EYS: variants seen among roughly 807,000 people sequenced by gnomAD.
EYS encodes EGF-like photoreceptor maintenance factor.
Under a neutral mutation model 282.1 loss-of-function variants are expected in EYS, and 250 were observed. The observed-to-expected ratio is 0.89, with a 90% CI of 0.80 to 0.98. The LOEUF (loss-of-function observed/expected upper bound fraction) is 0.98. Among genes scored for constraint, EYS ranks in the 50% least tolerant of loss-of-function variants. The probability of loss-of-function intolerance (pLI) is 0.00; values close to 1 mark genes in which losing one functional copy is unlikely to be tolerated. For missense variants in EYS, 4,016 were observed against 3,709.0 expected (o/e 1.08, Z -2.15); for synonymous variants, 1,355 against 1,282.9 (o/e 1.06, Z -1.20).
In EYS at chr6:64,002,174, G is replaced by A. The variant is rs373793785; in HGVS notation, c.6726-2991C>T. ...ATGTCTGGATGCCAAGGGGAGTTTGGCTGGGGGCTGTCAGAGAAGAGTCCA... is the reference window on the plus strand; with the variant it reads ...ATGTCTGGATGCCAAGGGGAGTTTGACTGGGGGCTGTCAGAGAAGAGTCCA... On this transcript the variant is annotated intron_variant, in intron 33 of 42. Coordinates refer to ENST00000503581, the MANE Select transcript of EYS (RefSeq NM_001142800.2). Among the ~76,000 whole-genome samples the A allele has an allele frequency of 9.2e-5, 14 of 152,304 alleles. No homozygotes were observed. In the East Asian group the frequency reaches 1.2e-3, roughly 13 times the overall value.
chr6:64,066,928 ATTTC>A (rs1771392569), intron 32 of EYS, among the ~76,000 whole-genome samples: 1 of 151,976 alleles, frequency 6.6e-6, no homozygotes, highest in Admixed American at 6.6e-5. Context: ...TTGATTTCTA[ATTTC>A]TTATGTTTAT....
chr6:64,063,181 C>T (rs1328473162), intron 33 of EYS, among the ~76,000 whole-genome samples: 1 of 152,136 alleles, frequency 6.6e-6, no homozygotes, highest in Non-Finnish European at 1.5e-5. Context: ...CCCATGGTTT[C>T]AATTATCGTC....
intron 12 of EYS, among the ~76,000 whole-genome samples, chr6:65,238,670 T>TG (rs989524831): frequency 2.0e-5 from 3 of 152,070 alleles, no homozygotes; most frequent in Non-Finnish European, 4.4e-5. Flanking sequence ...TCATAATTTA[T>TG]GGTTACATTC....
At chr6:64,045,383 G>GTTAT (rs1770569901) in intron 33 of EYS, among the ~76,000 whole-genome samples, 1 of 137,514 alleles carries the variant, frequency 7.3e-6, no homozygotes, top group Non-Finnish European at 1.6e-5. Context: ...GGTGAAACAA[G>GTTAT]TTTATTTTAT....
intron 22 of EYS, among the ~76,000 whole-genome samples, chr6:64,760,774 C>A (rs564984021): frequency 6.6e-6 from 1 of 152,152 alleles, no homozygotes; most frequent in Non-Finnish European, 1.5e-5. Flanking sequence ...AGAGAGAGGG[C>A]TGACATTCAG....
At chr6:65,566,039 T>C (rs1451524459) in intron 2 of EYS, among the ~76,000 whole-genome samples, 1 of 151,566 alleles carries the variant, frequency 6.6e-6, no homozygotes, top group Non-Finnish European at 1.5e-5. Context: ...ATGGCATGTG[T>C]ATACCTATGT....
intron 12 of EYS, among the ~76,000 whole-genome samples, chr6:65,076,539 A>G (rs1190229672): frequency 1.3e-5 from 2 of 152,058 alleles, no homozygotes; most frequent in Non-Finnish European, 2.9e-5. Context: ...ATATAGAGCT[A>G]AACTTATTTG....
chr6:63,964,650 T>A (rs906168782), intron 35 of EYS, among the ~76,000 whole-genome samples: 25 of 152,346 alleles, frequency 1.6e-4, no homozygotes, highest in African/African-American at 5.8e-4. Context: ...CTTTATAATT[T>A]AGCTCTGAGT....
chr6:64,382,326 G>C (rs1355928875), intron 29 of EYS, among the ~76,000 whole-genome samples: 1 of 152,078 alleles, frequency 6.6e-6, no homozygotes, highest in African/African-American at 2.4e-5. Context: ...CCTGAATCAT[G>C]AATGTAAGTG....
At position 64,553,406 on chromosome 6, in the gene EYS, A is replaced by AC. The variant is rs1765147310; in HGVS notation, c.5644+36816dup. On this transcript the variant is annotated intron_variant, in intron 26 of 42. Coordinates refer to ENST00000503581, the MANE Select transcript of EYS (RefSeq NM_001142800.2). ...TAGTATGCAATGTAATATGGAGGTT[A>AC]CTACCTACTTCAAGCATAGAAGGCC... Among the ~76,000 whole-genome samples the AC allele has an allele frequency of 5.9e-5, 9 of 152,254 alleles. No homozygotes were observed. In the South Asian group the frequency reaches 1.9e-3, roughly 32 times the overall value.
intron 30 of EYS, among the ~76,000 whole-genome samples, chr6:64,275,149 C>G (rs1209207449): frequency 6.6e-6 from 1 of 152,182 alleles, no homozygotes; most frequent in African/African-American, 2.4e-5. Flanking sequence ...GGGGGAAAAG[C>G]AGAAATATCT....
chr6:64,542,389 C>T (rs1388113354), intron 26 of EYS, among the ~76,000 whole-genome samples: 1 of 152,020 alleles, frequency 6.6e-6, no homozygotes, highest in Non-Finnish European at 1.5e-5. Flanking sequence ...TTATATACTT[C>T]TTCCCTTAGG....
chr6:64,752,858 G>A (rs759231053), intron 22 of EYS, among the ~76,000 whole-genome samples: 1 of 152,036 alleles, frequency 6.6e-6, no homozygotes, highest in Non-Finnish European at 1.5e-5. Context: ...TAGAACAGCT[G>A]CATACTCACA....
At chr6:65,051,411 A>C (rs537250141) in intron 13 of EYS, among the ~76,000 whole-genome samples, 20 of 151,692 alleles carry the variant, frequency 1.3e-4, no homozygotes, top group Middle Eastern at 3.4e-3. Context: ...TGAATTGTGC[A>C]TCATACTTTA....
chr6:65,555,440 C>T (rs1054137138), intron 2 of EYS, among the ~76,000 whole-genome samples: 2 of 152,068 alleles, frequency 1.3e-5, no homozygotes, highest in African/African-American at 4.8e-5. Flanking sequence ...TATTTTTTCA[C>T]TATATATTAG....
At chr6:64,100,465 C>A (rs901198458) in intron 31 of EYS, among the ~76,000 whole-genome samples, 1 of 151,784 alleles carries the variant, frequency 6.6e-6, no homozygotes, top group Non-Finnish European at 1.5e-5. Flanking sequence ...AATCTCACAG[C>A]CAAAATCCTT....
chr6:64,439,125 G>A, intron 27 of EYS, 37 bp downstream of exon 27: 2 of 1,189,902 alleles, frequency 1.7e-6, no homozygotes, highest in East Asian at 5.7e-5. Flanking sequence ...GAACAACTTT[G>A]TAATTTTTAA....
At chr6:63,994,828 A>T (rs1042751773) in intron 34 of EYS, among the ~76,000 whole-genome samples, 1 of 152,018 alleles carries the variant, frequency 6.6e-6, no homozygotes, top group South Asian at 2.1e-4. Flanking sequence ...GATTTTGAAA[A>T]TTGAAAAAAT....
chr6:64,864,385 C>CTTTTTTTTTTTTTTTTTTTGTTTTTTTT (rs1766350386), intron 19 of EYS, among the ~76,000 whole-genome samples: 1 of 57,166 alleles, frequency 1.7e-5, no homozygotes, highest in Non-Finnish European at 3.6e-5. Flanking sequence ...GCTATACCTT[C>CTTTTTTTTTTTTTTTTTTTGTTTTTTTT]TTTTTTTTTT....
Sources: allele counts gnomAD v4.1 joint callset (sites outside exome capture counted in the v4.1 genomes callset), GRCh38; gene constraint gnomAD v4.1.1; transcripts MANE v1.5; gene names NCBI Gene and HGNC (gene_info 2026-07-23, HGNC 2026-07-21).